The following ABHD10 variants were observed in gnomAD, a reference collection of about 807,000 sequenced individuals.
ABHD10 encodes the protein abhydrolase domain containing 10, depalmitoylase, also known as palmitoyl-protein thioesterase ABHD10, mitochondrial.
In ABHD10, 22 loss-of-function variants were observed where a neutral mutation model predicts 33.1. The observed-to-expected ratio is 0.66, with a 90% CI of 0.47 to 0.95. The LOEUF (loss-of-function observed/expected upper bound fraction) is 0.95. Among genes scored for constraint, ABHD10 ranks in the 40% least tolerant of loss-of-function variants. ABHD10 has a pLI of 0.00. For missense variants in ABHD10, 352 were observed against 379.9 expected, an observed-to-expected ratio of 0.93 and a Z score of 0.61; for synonymous variants, 146 against 133.9, an observed-to-expected ratio of 1.09 and a Z score of -0.62.
At chr3:111,981,311 C>CAAAAAAAAAAAAA (rs11301143) in intron 1 of ABHD10, among the ~76,000 whole-genome samples, 22 of 91,170 alleles carry the variant, frequency 2.4e-4, no homozygotes, top group Admixed American at 3.7e-4. Flanking sequence ...GACCCTGTCT[C>CAAAAAAAAAAAAA]AAAAAAAAAA....
chr3:111,993,084 G>A lies in ABHD10; in HGVS notation c.*1363G>A, dbSNP rs1184705506. The A allele has an allele frequency of 1.3e-5, 2 of 152,176 alleles. No individual in the cohort carries two copies. The highest frequency in any genetic ancestry group is 4.8e-5 in the African/African-American group (2 of 41,444). 9.4% of individuals were successfully genotyped at this position (152,176 alleles called of 1,614,324 possible). A position where few individuals can be genotyped will look rare whatever the true frequency, so the allele number is the denominator to read the frequency against. On this transcript the variant is annotated 3_prime_UTR_variant, in exon 5 of 5. Transcript: ENST00000273359. ...CACCTGCTTTCCTTCTGGGAGTCTGGAATTTTGGTATGTGCCAGGCAGAGA... is the reference window on the plus strand; with the variant it reads ...CACCTGCTTTCCTTCTGGGAGTCTGAAATTTTGGTATGTGCCAGGCAGAGA...
intron 4 of ABHD10, among the ~76,000 whole-genome samples, chr3:111,988,717 G>C (rs1391785801): frequency 6.6e-6 from 1 of 152,054 alleles, no homozygotes; most frequent in Non-Finnish European, 1.5e-5. Flanking sequence ...AGCCTCCTGA[G>C]TAGCTGGGAC....
At chr3:111,986,480 G>T (rs1191192800) in intron 3 of ABHD10, 105 bp downstream of exon 3, 14 of 792,906 alleles carry the variant, frequency 1.8e-5, no homozygotes, top group Non-Finnish European at 2.6e-5. Flanking sequence ...CTGTCACCCA[G>T]CCTGGAGTGC....
In ABHD10 at chr3:111,981,885, C is replaced by T. The variant is rs756916629; in HGVS notation, c.244C>T (p.Pro82Ser). The change falls in exon 2 of 5, where the codon CCT becomes TCT. Residue 82 changes from proline (P) to serine (S), a missense_variant. Transcript: ENST00000273359. ...CAAAAGTCCAGGAATTATCTTCATC[C>T]CTGGCTATCTTTCTTATATGAATGG... ...KGKSPGIIFI[P>S]GYLSYMNGTK... 6.2e-7 allele frequency: 1 copy of T among 1,607,916 alleles called. No homozygotes were observed.
intron 4 of ABHD10, among the ~76,000 whole-genome samples, chr3:111,987,985 T>C (rs569630303): frequency 1.3e-5 from 2 of 152,332 alleles, no homozygotes; most frequent in Non-Finnish European, 2.9e-5. Flanking sequence ...TCTTGGGTTT[T>C]ACCCTGAATC....
chr3:111,981,725 A>G (rs1042989239), intron 1 of ABHD10, 59 bp from the exon 2 acceptor site: 1 of 1,374,440 alleles, frequency 7.3e-7, no homozygotes, highest in Non-Finnish European at 9.8e-7. Flanking sequence ...GAAAATATAT[A>G]TGGTTTTCCA....
At chr3:111,986,827 T>C in intron 3 of ABHD10, 87 bp from the exon 4 acceptor site, 1 of 957,386 alleles carries the variant, frequency 1.0e-6, no homozygotes, top group South Asian at 2.1e-5. Flanking sequence ...ATTTTTACTT[T>C]CTAATTTTTT....
intron 2 of ABHD10, among the ~76,000 whole-genome samples, chr3:111,984,581 T>TA (rs995512826): frequency 6.6e-5 from 10 of 151,522 alleles, no homozygotes; most frequent in Admixed American, 4.0e-4. Context: ...AATTTAGTAG[T>TA]AAAAAAAAAT....
Position 111,991,566 on chromosome 3 carries a change from A to G in ABHD10, c.766A>G (p.Thr256Ala). ...GMKDDIVPWH[T>A]SMQVADRVLS... ...GAAGGATGACATTGTACCTTGGCAT[A>G]CATCAATGCAGGTTGCCGATCGAGT... Residue 256 changes from threonine to alanine, a missense_variant, in exon 5 of 5, where the codon ACA becomes GCA. Physicochemically the swap from Thr to Ala is moderately conservative, Grantham distance 58 (BLOSUM62 0). Coordinates refer to ENST00000273359, the MANE Select transcript of ABHD10 (RefSeq NM_018394.4). 6.2e-7 allele frequency: 1 copy of G among 1,614,178 alleles called. No homozygotes were observed. Among genetic ancestry groups the G allele is most frequent in the Non-Finnish European group, 8.5e-7 (1 of 1,179,992 alleles).
At position 111,992,432 on chromosome 3, in the gene ABHD10, G is replaced by T. The variant is rs545967698; in HGVS notation, c.*711G>T. 2 of 151,376 alleles carry T rather than the reference G, an allele frequency of 1.3e-5. No individual in the cohort carries two copies. The highest frequency in any genetic ancestry group is 1.3e-4 in the Admixed American group (2 of 15,202). 9.4% of individuals were successfully genotyped at this position (151,376 alleles called of 1,614,324 possible). A position where few individuals can be genotyped will look rare whatever the true frequency, so the allele number is the denominator to read the frequency against. ...TATTCTGATTGGTAAAATTAAAGAG[G>T]AAATTAATCTTTATATATTATTTCT... On this transcript the variant is annotated 3_prime_UTR_variant, in exon 5 of 5. Transcript: ENST00000273359.
At chr3:111,986,201 C>A in intron 2 of ABHD10, 63 bp from the exon 3 acceptor site, 1 of 908,688 alleles carries the variant, frequency 1.1e-6, no homozygotes, top group Non-Finnish European at 1.7e-6. Context: ...TGCTATCTTT[C>A]TTAAAAATTA....
intron 2 of ABHD10, among the ~76,000 whole-genome samples, chr3:111,982,989 G>C (rs1174111053): frequency 6.6e-6 from 1 of 152,092 alleles, no homozygotes; most frequent in Non-Finnish European, 1.5e-5. Flanking sequence ...GAAGATTGGA[G>C]TACTTTTTGG....
At position 111,991,386 on chromosome 3, in the gene ABHD10, G is replaced by A; in HGVS notation, c.586G>A (p.Glu196Lys). The change falls in exon 5 of 5, where the codon GAA (glutamate) becomes AAA (lysine). Residue 196 changes from glutamate to lysine, a missense_variant. Glu to Lys is a moderately conservative substitution (Grantham distance 56). Transcript: ENST00000273359. Reference protein sequence around the residue: ...FNQLPVELKKEVEMKGVWSMP... With the variant: ...FNQLPVELKKKVEMKGVWSMP... ...TTTCTTTTTCCAATAGCTAAAAAAG[G>A]AAGTAGAGATGAAAGGTGTGTGGAG... The A allele has an allele frequency of 6.3e-7, 1 of 1,598,660 alleles. No homozygotes were observed.
In ABHD10 at chr3:111,993,004, C is replaced by T. The variant is rs948838573; in HGVS notation, c.*1283C>T. 5.3e-5 allele frequency: 8 copies of T among 152,216 alleles called. No homozygotes were observed. Among genetic ancestry groups the T allele is most frequent in the African/African-American group, 1.9e-4 (8 of 41,448 alleles). 9.4% of individuals were successfully genotyped at this position (152,216 alleles called of 1,614,324 possible). ...CAGGGGGCTTCCACCATTCCCAGAA[C>T]TGATCAAAGTAGCTTACTATATCTA... On this transcript the variant is annotated 3_prime_UTR_variant, in exon 5 of 5. Coordinates refer to ENST00000273359, the MANE Select transcript of ABHD10 (RefSeq NM_018394.4).
At chr3:111,982,164 C>T (rs994441978) in intron 2 of ABHD10, 197 bp downstream of exon 2, 21 of 401,336 alleles carry the variant, frequency 5.2e-5, no homozygotes, top group African/African-American at 4.3e-4. Context: ...TTGTGCCACG[C>T]TGACAACCCT....
At chr3:111,986,577 A>C (rs564525998) in intron 3 of ABHD10, among the ~76,000 whole-genome samples, 2 of 152,102 alleles carry the variant, frequency 1.3e-5, no homozygotes, top group East Asian at 3.9e-4. Context: ...CTGGGACTAC[A>C]GGCACCCGCC....
At chr3:111,982,350 A>T (rs2072596148) in intron 2 of ABHD10, 1 of 156,052 alleles carries the variant, frequency 6.4e-6, no homozygotes, top group African/African-American at 2.4e-5. Context: ...TAATACATGT[A>T]TTTAAAAGTA....
chr3:111,985,017 T>A (rs575132495), intron 2 of ABHD10, among the ~76,000 whole-genome samples: 2 of 152,316 alleles, frequency 1.3e-5, no homozygotes, highest in South Asian at 4.1e-4. Context: ...CAAACTTGAT[T>A]ACAATACAAT....
intron 2 of ABHD10, among the ~76,000 whole-genome samples, chr3:111,985,463 G>T (rs148793270): frequency 6.6e-6 from 1 of 152,120 alleles, no homozygotes; most frequent in Non-Finnish European, 1.5e-5. Context: ...CCTACCACTC[G>T]CAAGGAACTG....
Sources: gnomAD v4.1 joint callset for allele counts (sites outside exome capture counted in the v4.1 genomes callset) on GRCh38, gnomAD v4.1.1 for gene constraint, MANE v1.5 for transcripts, NCBI Gene and HGNC (gene_info 2026-07-23, HGNC 2026-07-21) for gene names.